Variants in STK4 observed in about 807,000 individuals in gnomAD.
STK4 encodes serine/threonine kinase 4, also known as serine/threonine-protein kinase 4.
In STK4, 30 loss-of-function variants were observed where a neutral mutation model predicts 64.9. That is an observed-to-expected ratio of 0.46 (90% CI 0.35 to 0.63). The LOEUF (loss-of-function observed/expected upper bound fraction) is 0.63. STK4 is among the 20% of genes least tolerant of loss of function. The pLI is 0.01. For synonymous variants in STK4, 177 were observed against 199.0 expected (o/e 0.89, Z 0.93); for missense variants, 466 against 598.5 (o/e 0.78, Z 2.31).
chr20:45,046,249 C>G (rs898356218), intron 10 of STK4, among the ~76,000 whole-genome samples: 1 of 148,308 alleles, frequency 6.7e-6, no homozygotes, highest in African/African-American at 2.5e-5. Context: ...GGCTACATAG[C>G]AATACCCTGT....
chr20:45,030,065 A>C (rs1029610373), intron 10 of STK4, among the ~76,000 whole-genome samples: 1 of 151,550 alleles, frequency 6.6e-6, no homozygotes, highest in African/African-American at 2.4e-5. Flanking sequence ...AGCTTAACGA[A>C]GGATATGTGT....
At chr20:44,986,597 T>C (rs886101446) in intron 4 of STK4, among the ~76,000 whole-genome samples, 1 of 152,124 alleles carries the variant, frequency 6.6e-6, no homozygotes, top group Non-Finnish European at 1.5e-5. Flanking sequence ...GGAAAATACA[T>C]TGTAGAGTGT....
intron 10 of STK4, among the ~76,000 whole-genome samples, chr20:45,062,788 C>T (rs976893216): frequency 1.7e-4 from 26 of 151,520 alleles, no homozygotes; most frequent in African/African-American, 5.6e-4. Context: ...CGCCATTCCC[C>T]GGCCTCAGCC....
At chr20:44,983,919 A>G (rs2067483375) in intron 4 of STK4, among the ~76,000 whole-genome samples, 1 of 152,110 alleles carries the variant, frequency 6.6e-6, no homozygotes, top group Non-Finnish European at 1.5e-5. Flanking sequence ...TGTTTGCTTA[A>G]TCGAATAGCA....
intron 10 of STK4, among the ~76,000 whole-genome samples, chr20:45,048,329 G>A (rs780600724): frequency 6.6e-5 from 10 of 152,164 alleles, no homozygotes; most frequent in Non-Finnish European, 1.0e-4. Context: ...CTGACACAGA[G>A]TAGGCATTCA....
rs181100540 is a variant in STK4 at position 44,984,576 on chromosome 20, C to G, written c.361-2556C>G. Among the ~76,000 whole-genome samples, 189 of 152,232 alleles carry G rather than the reference C, an allele frequency of 1.2e-3. 2 individuals carry two copies. The highest frequency in any genetic ancestry group is 3.1e-4 in the Non-Finnish European group (21 of 68,014). ...TCTGCCCTGTCCACCGTGATATCCA[C>G]TAGCCGCATGTGGTTATTAAGGACT... On this transcript the variant is annotated intron_variant, in intron 4 of 10. Coordinates refer to ENST00000372806, the MANE Select transcript of STK4 (RefSeq NM_006282.5).
chr20:45,018,475 T>C (rs1420645556), intron 9 of STK4, among the ~76,000 whole-genome samples: 1 of 152,194 alleles, frequency 6.6e-6, no homozygotes, highest in Non-Finnish European at 1.5e-5. Flanking sequence ...CAGTCTTTGG[T>C]CAAGGTCCTT....
At chr20:45,012,116 A>G (rs989033655) in intron 9 of STK4, among the ~76,000 whole-genome samples, 3 of 151,484 alleles carry the variant, frequency 2.0e-5, no homozygotes, top group African/African-American at 7.3e-5. Context: ...GCTCACTGCA[A>G]CCTCTGCCTC....
intron 9 of STK4, among the ~76,000 whole-genome samples, chr20:45,021,117 C>T (rs1173913867): frequency 6.6e-6 from 1 of 152,120 alleles, no homozygotes; most frequent in Admixed American, 6.5e-5. Context: ...CCATGCCCAG[C>T]CTACACAAGA....
chr20:45,024,584 T>A (rs918018968), intron 9 of STK4, among the ~76,000 whole-genome samples: 2 of 152,224 alleles, frequency 1.3e-5, no homozygotes, highest in Non-Finnish European at 2.9e-5. Context: ...GAGAATATTG[T>A]ATGTGATAGA....
chr20:45,053,218 C>CTA, intron 10 of STK4: 1 of 1,502,708 alleles, frequency 6.7e-7, no homozygotes, highest in Non-Finnish European at 9.2e-7. Flanking sequence ...ACCACAGTAG[C>CTA]CTGGTTCTGC....
intron 10 of STK4, among the ~76,000 whole-genome samples, chr20:45,072,743 CAT>C (rs1379100383): frequency 6.6e-6 from 1 of 152,184 alleles, no homozygotes; most frequent in Non-Finnish European, 1.5e-5. Flanking sequence ...TTCTTTTTCA[CAT>C]GTTTGATTCT....
intron 10 of STK4, among the ~76,000 whole-genome samples, chr20:45,055,745 T>C (rs560159735): frequency 6.6e-6 from 1 of 152,022 alleles, no homozygotes; most frequent in East Asian, 1.9e-4. Flanking sequence ...TGTTTTCTTT[T>C]TCCCCGAGAC....
At chr20:45,007,496 G>A (rs182324852) in intron 9 of STK4, among the ~76,000 whole-genome samples, 235 of 151,904 alleles carry the variant, frequency 1.5e-3, no homozygotes, top group Non-Finnish European at 2.8e-3. Flanking sequence ...GCAGTGAGCC[G>A]AAATCGCGCC....
chr20:45,074,170 C>T (rs1216333842), intron 10 of STK4, among the ~76,000 whole-genome samples: 1 of 152,104 alleles, frequency 6.6e-6, no homozygotes, highest in Non-Finnish European at 1.5e-5. Flanking sequence ...ACTTAGCTAC[C>T]CTCCTCCTTG....
At chr20:44,985,198 A>T (rs1258548383) in intron 4 of STK4, among the ~76,000 whole-genome samples, 8 of 152,128 alleles carry the variant, frequency 5.3e-5, no homozygotes, top group Non-Finnish European at 4.4e-5. Flanking sequence ...GGCATAAATG[A>T]CTTAACTTGT....
intron 10 of STK4, among the ~76,000 whole-genome samples, chr20:45,027,085 A>G (rs1267620128): frequency 2.0e-5 from 3 of 152,154 alleles, no homozygotes; most frequent in African/African-American, 4.8e-5. Flanking sequence ...AGAATCCTCA[A>G]ATCTGTAGTA....
chr20:45,053,113 A>G, intron 10 of STK4: 1 of 1,612,794 alleles, frequency 6.2e-7, no homozygotes, highest in South Asian at 1.1e-5. Flanking sequence ...GCAGTCTGGA[A>G]AAGACATATG....
At chr20:45,037,448 T>C (rs2068545252) in intron 10 of STK4, among the ~76,000 whole-genome samples, 1 of 152,178 alleles carries the variant, frequency 6.6e-6, no homozygotes. Context: ...GGAGTCCTAA[T>C]GCAGCACAGA....
Sources: allele counts gnomAD v4.1 joint callset (sites outside exome capture counted in the v4.1 genomes callset), GRCh38; gene constraint gnomAD v4.1.1; transcripts MANE v1.5; gene names NCBI Gene and HGNC (gene_info 2026-07-23, HGNC 2026-07-21).